Variants in MBNL1 observed in about 807,000 individuals in gnomAD.
The protein encoded by MBNL1 is muscleblind-like protein 1.
Under a neutral mutation model 42.2 loss-of-function variants are expected in MBNL1, and 8 were observed. That is an observed-to-expected ratio of 0.19 (90% CI 0.11 to 0.34). The LOEUF is 0.34. MBNL1 is among the 10% of genes least tolerant of loss of function. MBNL1 has a pLI of 1.00. For missense variants in MBNL1, 309 were observed against 495.3 expected, an observed-to-expected ratio of 0.62 and a Z score of 3.57; for synonymous variants, 169 against 173.9, an observed-to-expected ratio of 0.97 and a Z score of 0.22.
chr3:152,274,564 A>C (rs1305933561), intron 1 of MBNL1, among the ~76,000 whole-genome samples: 1 of 152,212 alleles, frequency 6.6e-6, no homozygotes, highest in African/African-American at 2.4e-5. Context: ...TAAATGCATA[A>C]ATAATGGGAA....
At chr3:152,373,906 T>C (rs567575110) in intron 2 of MBNL1, among the ~76,000 whole-genome samples, 1 of 152,344 alleles carries the variant, frequency 6.6e-6, no homozygotes, top group South Asian at 2.1e-4. Flanking sequence ...GTAGAGAGAA[T>C]AGTGTAATAT....
At chr3:152,459,856 G>GTAGAT (rs1299126907) in intron 9 of MBNL1, among the ~76,000 whole-genome samples, 5 of 146,046 alleles carry the variant, frequency 3.4e-5, no homozygotes, top group African/African-American at 1.3e-4. Context: ...GACCTCTGGT[G>GTAGAT]TAGATTATCA....
chr3:152,417,731 T>C (rs2098726173), intron 3 of MBNL1, among the ~76,000 whole-genome samples: 1 of 152,114 alleles, frequency 6.6e-6, no homozygotes, highest in African/African-American at 2.4e-5. Flanking sequence ...AGATTCATAG[T>C]AGTTTACCTG....
intron 1 of MBNL1, among the ~76,000 whole-genome samples, chr3:152,285,801 T>C (rs1187568885): frequency 6.6e-6 from 1 of 151,912 alleles, no homozygotes; most frequent in Non-Finnish European, 1.5e-5. Flanking sequence ...TTTTGTATTT[T>C]CTGTAGAGAC....
At chr3:152,268,641 C>T (rs1413644668), upstream of MBNL1, 2 of 412,232 alleles carry the variant, frequency 4.9e-6, no homozygotes, top group Admixed American at 2.9e-5. Flanking sequence ...AGGGGATCCA[C>T]GGCGCCCGCG....
chr3:152,463,308 AT>A lies in MBNL1; in HGVS notation c.*945del, dbSNP rs1342411080. 3.9e-5 allele frequency: 6 copies of A among 152,186 alleles called. No individual in the cohort carries two copies. 9.4% of individuals were successfully genotyped at this position (152,186 alleles called of 1,614,324 possible). On this transcript the variant is annotated 3_prime_UTR_variant, in exon 10 of 10. Coordinates refer to ENST00000324210, the MANE Select transcript of MBNL1 (RefSeq NM_021038.5). ...TTATTTTAATGCATTGTAGTGTAATATTTATGCATACTATACTGTATAACAT... is the reference window on the plus strand; with the variant it reads ...TTATTTTAATGCATTGTAGTGTAATATTATGCATACTATACTGTATAACAT...
At chr3:152,368,024 G>C (rs1163455955) in intron 2 of MBNL1, among the ~76,000 whole-genome samples, 1 of 151,600 alleles carries the variant, frequency 6.6e-6, no homozygotes, top group Admixed American at 6.6e-5. Flanking sequence ...AAGCTTTTTA[G>C]TTTAATTAGA....
chr3:152,372,703 A>C (rs1043509107), intron 2 of MBNL1, among the ~76,000 whole-genome samples: 1 of 152,122 alleles, frequency 6.6e-6, no homozygotes, highest in Non-Finnish European at 1.5e-5. Flanking sequence ...GCCAGATGCT[A>C]GTGGAGCTCT....
At chr3:152,296,842 C>T (rs2058724595) in intron 1 of MBNL1, among the ~76,000 whole-genome samples, 1 of 133,314 alleles carries the variant, frequency 7.5e-6, no homozygotes, top group African/African-American at 2.9e-5. Context: ...ATTTTTGGAA[C>T]TCCATCTATT....
At chr3:152,369,080 T>A (rs2096551143) in intron 2 of MBNL1, among the ~76,000 whole-genome samples, 1 of 152,198 alleles carries the variant, frequency 6.6e-6, no homozygotes, top group Non-Finnish European at 1.5e-5. Context: ...GGCATCCTTA[T>A]CTTGTGCCAG....
intron 2 of MBNL1, among the ~76,000 whole-genome samples, chr3:152,355,873 A>C (rs1415014395): frequency 6.6e-6 from 1 of 152,232 alleles, no homozygotes; most frequent in Non-Finnish European, 1.5e-5. Context: ...ATAGAGTCAA[A>C]ATCATAGCAT....
intron 2 of MBNL1, among the ~76,000 whole-genome samples, chr3:152,336,211 A>G (rs2090059019): frequency 1.5e-5 from 2 of 136,638 alleles, no homozygotes; most frequent in South Asian, 4.5e-4. Context: ...ATAAACCTAC[A>G]ATTTCTGATT....
intron 1 of MBNL1, among the ~76,000 whole-genome samples, chr3:152,270,315 G>A (rs748803447): frequency 1.3e-5 from 2 of 152,182 alleles, no homozygotes; most frequent in Non-Finnish European, 2.9e-5. Flanking sequence ...TAGGAGAGAA[G>A]TCATAATTAA....
At chr3:152,306,254 C>A (rs1261054203) in intron 2 of MBNL1, among the ~76,000 whole-genome samples, 1 of 152,200 alleles carries the variant, frequency 6.6e-6, no homozygotes, top group Non-Finnish European at 1.5e-5. Context: ...ATAACAGAGA[C>A]ACCTCCCCTA....
At chr3:152,334,649 G>T (rs1182040222) in intron 2 of MBNL1, among the ~76,000 whole-genome samples, 1 of 152,112 alleles carries the variant, frequency 6.6e-6, no homozygotes, top group Non-Finnish European at 1.5e-5. Flanking sequence ...TATTATGAAA[G>T]AAATGACCAA....
At chr3:152,438,527 A>G (rs1488363951) in intron 4 of MBNL1, among the ~76,000 whole-genome samples, 1 of 152,250 alleles carries the variant, frequency 6.6e-6, no homozygotes, top group Admixed American at 6.5e-5. Context: ...GCTATAAAAT[A>G]CAGCATCTTG....
At chr3:152,387,763 A>G (rs1416947856) in intron 2 of MBNL1, among the ~76,000 whole-genome samples, 1 of 152,106 alleles carries the variant, frequency 6.6e-6, no homozygotes, top group Non-Finnish European at 1.5e-5. Context: ...TTGTAATTTT[A>G]TAATTATATT....
intron 2 of MBNL1, among the ~76,000 whole-genome samples, chr3:152,404,036 T>C (rs2098342762): frequency 6.6e-6 from 1 of 152,202 alleles, no homozygotes; most frequent in Non-Finnish European, 1.5e-5. Flanking sequence ...TGCTCTGTCA[T>C]TGTTTATGTG....
In MBNL1 at chr3:152,464,820, T is replaced by C. The variant is rs1749590071; in HGVS notation, c.*2454T>C. 1 of 152,656 alleles carries C rather than the reference T, an allele frequency of 6.6e-6. No homozygotes were observed. Among genetic ancestry groups the C allele is most frequent in the Non-Finnish European group, 1.5e-5 (1 of 68,026 alleles). The allele number at this position is 152,656 out of a possible 1,614,324, so 9.5% of individuals were successfully genotyped here. A position where few individuals can be genotyped will look rare whatever the true frequency, so the allele number is the denominator to read the frequency against. ...GGAGAAGGTTGACTTTTTGCACTTCTGTATATAGTCAAAAGAGAGAAACCT... is the reference window on the plus strand; with the variant it reads ...GGAGAAGGTTGACTTTTTGCACTTCCGTATATAGTCAAAAGAGAGAAACCT... On this transcript the variant is annotated 3_prime_UTR_variant, in exon 10 of 10. Coordinates refer to ENST00000324210, the MANE Select transcript of MBNL1 (RefSeq NM_021038.5).
Sources: allele counts gnomAD v4.1 joint callset (sites outside exome capture counted in the v4.1 genomes callset), GRCh38; gene constraint gnomAD v4.1.1; transcripts MANE v1.5; gene names NCBI Gene and HGNC (gene_info 2026-07-23, HGNC 2026-07-21).